Variants in NCAM2 observed in about 807,000 individuals in gnomAD.
NCAM2 encodes N-CAM-2.
NCAM2 carries 30 observed loss-of-function variants against 98.1 expected under a neutral mutation model. The observed-to-expected ratio is 0.31, with a 90% CI of 0.23 to 0.41. The LOEUF (loss-of-function observed/expected upper bound fraction) is 0.41, where lower values mean the gene tolerates loss of function less well. NCAM2 is among the 10% of genes least tolerant of loss of function. The pLI is 1.00. For synonymous variants in NCAM2, 368 were observed against 342.4 expected (o/e 1.07, Z -0.83); for missense variants, 867 against 1,005.8 (o/e 0.86, Z 1.87).
intron 15 of NCAM2, among the ~76,000 whole-genome samples, chr21:21,499,389 G>A (rs552983466): frequency 5.9e-5 from 9 of 152,104 alleles, no homozygotes; most frequent in Admixed American, 3.9e-4. Flanking sequence ...CTACAGGCGC[G>A]TGCCACCACG....
At chr21:21,150,477 T>C (rs935928339) in intron 1 of NCAM2, among the ~76,000 whole-genome samples, 1 of 152,112 alleles carries the variant, frequency 6.6e-6, no homozygotes, top group African/African-American at 2.4e-5. Context: ...AAATGTAGAC[T>C]TTTAAAAGAG....
At chr21:21,105,277 C>T (rs577606139) in intron 1 of NCAM2, among the ~76,000 whole-genome samples, 2 of 152,154 alleles carry the variant, frequency 1.3e-5, no homozygotes, top group South Asian at 4.1e-4. Context: ...GGGTAGTAAT[C>T]TGAAATTATG....
intron 1 of NCAM2, among the ~76,000 whole-genome samples, chr21:21,173,242 A>G: frequency 6.6e-6 from 1 of 152,298 alleles, no homozygotes; most frequent in East Asian, 1.9e-4. Context: ...TCGCTAATTC[A>G]TTGGTGTTCA....
At chr21:21,433,766 A>T (rs1441748178) in intron 12 of NCAM2, among the ~76,000 whole-genome samples, 2 of 148,458 alleles carry the variant, frequency 1.3e-5, no homozygotes, top group African/African-American at 4.9e-5. Context: ...AAAATAAAAT[A>T]AAATAAAATA....
intron 15 of NCAM2, among the ~76,000 whole-genome samples, chr21:21,502,726 G>A (rs1407916378): frequency 2.0e-5 from 3 of 151,918 alleles, no homozygotes; most frequent in African/African-American, 4.8e-5. Flanking sequence ...GTTATTTAAT[G>A]TCTTCTCTTT....
At chr21:21,466,919 A>T (rs190861755) in intron 13 of NCAM2, among the ~76,000 whole-genome samples, 194 bp downstream of exon 13, 4 of 152,148 alleles carry the variant, frequency 2.6e-5, no homozygotes, top group African/African-American at 7.2e-5. Flanking sequence ...CAAGGCAGAA[A>T]AAAAAGAGTG....
intron 1 of NCAM2, among the ~76,000 whole-genome samples, chr21:21,118,866 T>A (rs1355743441): frequency 6.6e-6 from 1 of 152,144 alleles, no homozygotes; most frequent in Non-Finnish European, 1.5e-5. Flanking sequence ...CCCCAGTGTT[T>A]TCAGGTGACT....
intron 1 of NCAM2, among the ~76,000 whole-genome samples, chr21:21,189,794 A>G (rs2068759473): frequency 6.6e-6 from 1 of 152,156 alleles, no homozygotes; most frequent in South Asian, 2.1e-4. Context: ...ATTGCCAGTA[A>G]TTTACTCCAT....
rs1387894715 is a variant in NCAM2, at chr21:21,008,920, G to A, written c.55+10302G>A. Among the ~76,000 whole-genome samples the A allele has an allele frequency of 2.0e-5, 3 of 152,070 alleles. No homozygotes were observed. The East Asian group carries it at 5.8e-4, about 29-fold the overall frequency. On this transcript the variant is annotated intron_variant, in intron 1 of 17. Coordinates refer to ENST00000400546, the MANE Select transcript of NCAM2 (RefSeq NM_004540.5). ...AACAAATATTCGTTAATTTGTATCA[G>A]TCATTGTTAAAGGCTTTGAGGAGCC...
At chr21:21,155,771 C>A (rs138596478) in intron 1 of NCAM2, among the ~76,000 whole-genome samples, 19 of 151,816 alleles carry the variant, frequency 1.3e-4, no homozygotes, top group Admixed American at 3.3e-4. Context: ...TGTATTTTTA[C>A]AAATTAAATG....
In NCAM2 at chr21:21,522,702, C is replaced by T. The variant is rs1275861105; in HGVS notation, c.2283-11835C>T. Among the ~76,000 whole-genome samples, 12 of 135,032 alleles carry T rather than the reference C, an allele frequency of 8.9e-5. No homozygotes were observed. The East Asian group carries it at 2.7e-3, about 31-fold the overall frequency. 88.6% of individuals were successfully genotyped at this position (135,032 alleles called of 152,430 possible). A position where few individuals can be genotyped will look rare whatever the true frequency, so the allele number is the denominator to read the frequency against. On this transcript the variant is annotated intron_variant, in intron 16 of 17. Transcript: ENST00000400546. ...CTGGAGTGCAGTGGTGTGATCTCGG[C>T]CCACTTTGACCTTTCCCTTCTGAGA...
intron 10 of NCAM2, among the ~76,000 whole-genome samples, chr21:21,414,473 G>GTTTTT (rs35280147): frequency 2.2e-5 from 3 of 137,452 alleles, no homozygotes; most frequent in Non-Finnish European, 4.6e-5. Flanking sequence ...TTTGTTGTGT[G>GTTTTT]TTTTTTTTTT....
At chr21:21,288,931 G>A (rs1377245483) in intron 4 of NCAM2, among the ~76,000 whole-genome samples, 1 of 151,880 alleles carries the variant, frequency 6.6e-6, no homozygotes, top group Non-Finnish European at 1.5e-5. Flanking sequence ...GAAAAGCAGT[G>A]GAGATTTTCC....
At chr21:21,491,035 T>C (rs1239254948) in intron 15 of NCAM2, among the ~76,000 whole-genome samples, 6 of 151,856 alleles carry the variant, frequency 4.0e-5, no homozygotes, top group Non-Finnish European at 7.4e-5. Flanking sequence ...TTGTCGAGTG[T>C]TGTCATATCT....
intron 1 of NCAM2, among the ~76,000 whole-genome samples, chr21:21,027,775 G>A (rs2064581925): frequency 6.6e-6 from 1 of 151,458 alleles, no homozygotes; most frequent in African/African-American, 2.4e-5. Context: ...TTATTTTGTA[G>A]TTACTTCAGT....
chr21:21,088,744 G>A (rs1232881627), intron 1 of NCAM2, among the ~76,000 whole-genome samples: 1 of 152,100 alleles, frequency 6.6e-6, no homozygotes, highest in Non-Finnish European at 1.5e-5. Context: ...TGTAATCCCA[G>A]CACTTTGGGA....
intron 1 of NCAM2, among the ~76,000 whole-genome samples, chr21:21,055,457 T>G (rs1485491216): frequency 2.0e-5 from 3 of 152,062 alleles, no homozygotes; most frequent in African/African-American, 7.2e-5. Context: ...AATGACAGTT[T>G]TAATGTATTA....
intron 1 of NCAM2, among the ~76,000 whole-genome samples, chr21:21,261,454 C>T (rs2071896128): frequency 6.6e-6 from 1 of 152,078 alleles, no homozygotes; most frequent in African/African-American, 2.4e-5. Context: ...GGTAATCAAG[C>T]CAGTCTCAAT....
chr21:21,479,610 TG>T (rs68101814), intron 15 of NCAM2, among the ~76,000 whole-genome samples: 17,308 of 109,034 alleles, frequency 0.16, 2,239 homozygotes, highest in Middle Eastern at 0.29. Context: ...AAAAAAAAAT[TG>T]TTGATGATAA....
Sources: allele counts gnomAD v4.1 joint callset (sites outside exome capture counted in the v4.1 genomes callset), GRCh38; gene constraint gnomAD v4.1.1; transcripts MANE v1.5; gene names NCBI Gene and HGNC (gene_info 2026-07-23, HGNC 2026-07-21).